Variants in ST8SIA6 observed in about 807,000 individuals in gnomAD.
The protein encoded by ST8SIA6 is ST8 alpha-N-acetyl-neuraminide alpha-2,8-sialyltransferase 6.
In ST8SIA6, 39 loss-of-function variants were observed where a neutral mutation model predicts 33.6. The ratio of observed to expected loss-of-function variants is 1.16; its 90% CI spans 0.90 to 1.52. The LOEUF (loss-of-function observed/expected upper bound fraction) is 1.52. ST8SIA6 is among the 40% of genes most tolerant of loss of function. The pLI is 0.00. For synonymous variants in ST8SIA6, 172 were observed against 167.2 expected (o/e 1.03, Z -0.22); for missense variants, 441 against 443.8 (o/e 0.99, Z 0.06).
At chr10:17,430,400 C>T (rs149558722) in intron 2 of ST8SIA6, among the ~76,000 whole-genome samples, 90 of 152,278 alleles carry the variant, frequency 5.9e-4, no homozygotes, top group African/African-American at 2.0e-3. Flanking sequence ...TTTCCTTTGG[C>T]TAGATACCTG....
intron 3 of ST8SIA6, among the ~76,000 whole-genome samples, chr10:17,366,965 A>C (rs574799802): frequency 1.3e-5 from 2 of 152,360 alleles, no homozygotes; most frequent in South Asian, 4.1e-4. Flanking sequence ...CACAGATGGT[A>C]GATCTGAATG....
At chr10:17,386,263 G>A (rs931934339) in intron 3 of ST8SIA6, among the ~76,000 whole-genome samples, 2 of 151,770 alleles carry the variant, frequency 1.3e-5, no homozygotes, top group East Asian at 3.9e-4. Flanking sequence ...AGGCTGAGTC[G>A]GGCAGATCAC....
intron 2 of ST8SIA6, among the ~76,000 whole-genome samples, 161 bp from the exon 3 acceptor site, chr10:17,390,781 C>T (rs1850566395): frequency 7.0e-6 from 1 of 141,950 alleles, no homozygotes; most frequent in South Asian, 2.2e-4. Context: ...AATATTTTCA[C>T]CTCTGATGGG....
intron 2 of ST8SIA6, among the ~76,000 whole-genome samples, chr10:17,404,855 T>C (rs149864971): frequency 1.8e-4 from 28 of 152,314 alleles, no homozygotes; most frequent in African/African-American, 6.7e-4. Flanking sequence ...TTTTAACGAG[T>C]GTCATGAATA....
At chr10:17,407,933 A>G (rs1262186758) in intron 2 of ST8SIA6, 2 of 152,650 alleles carry the variant, frequency 1.3e-5, no homozygotes, top group African/African-American at 2.4e-5. Flanking sequence ...AGCTCTCATC[A>G]TGTCACCAAT....
chr10:17,338,569 C>T (rs923850511), intron 4 of ST8SIA6, among the ~76,000 whole-genome samples: 5 of 152,116 alleles, frequency 3.3e-5, no homozygotes, highest in East Asian at 3.9e-4. Flanking sequence ...ATGCTGGTAG[C>T]GTCTTGCTAA....
At chr10:17,376,096 A>G (rs966335570) in intron 3 of ST8SIA6, among the ~76,000 whole-genome samples, 1 of 152,170 alleles carries the variant, frequency 6.6e-6, no homozygotes, top group African/African-American at 2.4e-5. Flanking sequence ...TATTAGTCAA[A>G]ACCCCCAACA....
chr10:17,327,865 C>T (rs1407726541), intron 5 of ST8SIA6, among the ~76,000 whole-genome samples: 2 of 152,076 alleles, frequency 1.3e-5, no homozygotes, highest in Non-Finnish European at 2.9e-5. Context: ...CATGATTGCA[C>T]CACTGCCCTC....
intron 3 of ST8SIA6, among the ~76,000 whole-genome samples, chr10:17,362,107 T>A (rs7897973): frequency 0.37 from 55,872 of 151,748 alleles, 10,482 homozygotes; most frequent in East Asian, 0.6. Context: ...AAAGACATGA[T>A]TGTCCACTTT....
intron 5 of ST8SIA6, among the ~76,000 whole-genome samples, chr10:17,330,959 A>G (rs971025675): frequency 1.3e-5 from 2 of 152,216 alleles, no homozygotes; most frequent in African/African-American, 4.8e-5. Flanking sequence ...AACAATCTCT[A>G]TCTTATGGTG....
At chr10:17,339,116 T>C (rs1848596037) in intron 4 of ST8SIA6, among the ~76,000 whole-genome samples, 1 of 151,274 alleles carries the variant, frequency 6.6e-6, no homozygotes, top group African/African-American at 2.4e-5. Flanking sequence ...AAAAATTCCT[T>C]TTTTTTTTCA....
chr10:17,415,919 C>T (rs146752430), intron 2 of ST8SIA6, among the ~76,000 whole-genome samples: 4,255 of 149,966 alleles, frequency 0.028, 63 homozygotes, highest in South Asian at 0.055. Context: ...ATGCGATTCT[C>T]CTGCCTCAGC....
chr10:17,380,580 T>C (rs1464464319), intron 3 of ST8SIA6, among the ~76,000 whole-genome samples: 1 of 152,224 alleles, frequency 6.6e-6, no homozygotes, highest in East Asian at 1.9e-4. Flanking sequence ...CAAGGCCACC[T>C]TTTTGCCAGC....
intron 3 of ST8SIA6, among the ~76,000 whole-genome samples, chr10:17,379,659 G>C (rs116643493): frequency 0.012 from 1,812 of 152,186 alleles, 15 homozygotes; most frequent in Middle Eastern, 0.031. Context: ...GAGGCTTCCT[G>C]CCTTTGCTTC....
At chr10:17,390,806 A>AAAAAC (rs1288033405) in intron 2 of ST8SIA6, among the ~76,000 whole-genome samples, 186 bp from the exon 3 acceptor site, 2 of 151,490 alleles carry the variant, frequency 1.3e-5, no homozygotes, top group African/African-American at 4.8e-5. Flanking sequence ...AATGAAAAAA[A>AAAAAC]AAACAAAAAA....
chr10:17,448,765 G>A (rs1015580515), intron 2 of ST8SIA6, among the ~76,000 whole-genome samples: 23 of 147,846 alleles, frequency 1.6e-4, no homozygotes, highest in Non-Finnish European at 2.5e-4. Flanking sequence ...ACAGGTGCCC[G>A]CCACCACGCC....
chr10:17,422,824 T>A (rs954053778), intron 2 of ST8SIA6, among the ~76,000 whole-genome samples: 1 of 152,202 alleles, frequency 6.6e-6, no homozygotes, highest in Non-Finnish European at 1.5e-5. Context: ...TGAATTTTGC[T>A]AAAATTTCCA....
At chr10:17,405,309 T>C (rs780081743) in intron 2 of ST8SIA6, among the ~76,000 whole-genome samples, 73 of 151,902 alleles carry the variant, frequency 4.8e-4, no homozygotes, top group Non-Finnish European at 6.6e-4. Context: ...AGTTCAAGCC[T>C]GCAGTGAGCC....
At chr10:17,431,820 G>T (rs1477502909) in intron 2 of ST8SIA6, among the ~76,000 whole-genome samples, 2 of 151,900 alleles carry the variant, frequency 1.3e-5, no homozygotes, top group African/African-American at 2.4e-5. Context: ...AACAGTAAAT[G>T]AAACAGACAA....
Sources: gnomAD v4.1 joint callset for allele counts (sites outside exome capture counted in the v4.1 genomes callset) on GRCh38, gnomAD v4.1.1 for gene constraint, MANE v1.5 for transcripts, NCBI Gene and HGNC (gene_info 2026-07-23, HGNC 2026-07-21) for gene names.